Variants in MGAT5 observed in about 807,000 individuals in gnomAD.
The protein encoded by MGAT5 is alpha-1,6-mannosylglycoprotein 6-beta-N-acetylglucosaminyltransferase A.
A neutral mutation model predicts 94.3 loss-of-function variants in MGAT5; 30 were observed. That is an observed-to-expected ratio of 0.32 (90% CI 0.24 to 0.43). MGAT5 has a LOEUF of 0.43. Among genes scored for constraint, MGAT5 ranks in the 20% least tolerant of loss-of-function variants. MGAT5 has a pLI of 1.00. For missense variants in MGAT5, 691 were observed against 905.5 expected (o/e 0.76, Z 3.04); for synonymous variants, 310 against 322.9 (o/e 0.96, Z 0.43).
rs75507980 is a variant in MGAT5, at chr2:134,394,058, C to A, written c.1381-8930C>A. On this transcript the variant is annotated intron_variant, in intron 10 of 15. Transcript: ENST00000281923. ...CCATAGAAGTGGGCCCTGCCTCACA[C>A]GCCTTTTTCCCTTTCTGGTTTCCCA... Among the ~76,000 whole-genome samples the A allele has an allele frequency of 6.4e-4, 98 of 152,268 alleles. 2 individuals carry two copies. The East Asian group carries it at 0.018, about 28-fold the overall frequency.
At chr2:134,301,695 G>A (rs1686027230) in intron 2 of MGAT5, among the ~76,000 whole-genome samples, 2 of 152,170 alleles carry the variant, frequency 1.3e-5, no homozygotes, top group African/African-American at 4.8e-5. Context: ...TTTTATGTCT[G>A]ATGATGGAGT....
intron 1 of MGAT5, among the ~76,000 whole-genome samples, chr2:134,182,686 T>C (rs550315647): frequency 6.6e-6 from 1 of 152,234 alleles, no homozygotes; most frequent in East Asian, 1.9e-4. Context: ...ACAAGCGTAC[T>C]TAATCACTGC....
chr2:134,121,734 A>G (rs75251578), intron 1 of MGAT5, among the ~76,000 whole-genome samples: 7,642 of 152,332 alleles, frequency 0.05, 189 homozygotes, highest in African/African-American at 0.07. Flanking sequence ...TACCCAGACC[A>G]AAGTGTTAGA....
chr2:134,372,433 G>A (rs755425069), intron 10 of MGAT5, among the ~76,000 whole-genome samples: 25 of 152,164 alleles, frequency 1.6e-4, no homozygotes, highest in Non-Finnish European at 3.5e-4. Context: ...ACCCAGGAAT[G>A]CAAATAAAAA....
intron 2 of MGAT5, among the ~76,000 whole-genome samples, chr2:134,290,415 CTGA>C (rs3841387): frequency 0.15 from 22,118 of 152,190 alleles, 1,722 homozygotes; most frequent in Middle Eastern, 0.34. Flanking sequence ...AAATTGGGGA[CTGA>C]TGATCTAGTC....
At chr2:134,446,520 A>G (rs2106440962) in intron 15 of MGAT5, among the ~76,000 whole-genome samples, 1 of 151,978 alleles carries the variant, frequency 6.6e-6, no homozygotes, top group Non-Finnish European at 1.5e-5. Flanking sequence ...AGTTCCAGAT[A>G]TTTTTCTCTC....
intron 4 of MGAT5, among the ~76,000 whole-genome samples, chr2:134,323,425 G>A (rs1461518223): frequency 6.6e-6 from 1 of 152,036 alleles, no homozygotes; most frequent in East Asian, 1.9e-4. Context: ...ATCCACAGGG[G>A]TCTTGAAACC....
At chr2:134,130,204 C>CCCGCCCCACA (rs572491610) in intron 1 of MGAT5, among the ~76,000 whole-genome samples, 9,256 of 60,272 alleles carry the variant, frequency 0.15, 1,804 homozygotes, top group Middle Eastern at 0.19. Context: ...TGGAGCCCGC[C>CCCGCCCCACA]CCGCCCCACA....
At chr2:134,402,863 C>A in intron 10 of MGAT5, 125 bp from the exon 11 acceptor site, 1 of 947,178 alleles carries the variant, frequency 1.1e-6, no homozygotes, top group Non-Finnish European at 1.5e-6. Flanking sequence ...TGCCAAATTC[C>A]TGTGATCTCC....
At chr2:134,287,376 A>G (rs1685077296) in intron 2 of MGAT5, among the ~76,000 whole-genome samples, 1 of 152,088 alleles carries the variant, frequency 6.6e-6, no homozygotes, top group African/African-American at 2.4e-5. Flanking sequence ...TTGTTAAATC[A>G]TTTTCTGTTG....
At chr2:134,164,970 A>G (rs767938918) in intron 1 of MGAT5, among the ~76,000 whole-genome samples, 1 of 152,196 alleles carries the variant, frequency 6.6e-6, no homozygotes, top group Non-Finnish European at 1.5e-5. Context: ...GTCCTCCAGC[A>G]CGGTGTTGGT....
intron 2 of MGAT5, among the ~76,000 whole-genome samples, chr2:134,278,159 A>G (rs1340903359): frequency 2.0e-5 from 3 of 152,190 alleles, no homozygotes; most frequent in Non-Finnish European, 4.4e-5. Flanking sequence ...CATTGTTGGT[A>G]TAGTTTTCAC....
chr2:134,236,886 C>T (rs1681665210), intron 1 of MGAT5, among the ~76,000 whole-genome samples: 1 of 152,186 alleles, frequency 6.6e-6, no homozygotes, highest in Admixed American at 6.5e-5. Context: ...TAAGCCCCTT[C>T]CATGAATATT....
chr2:134,306,710 A>G (rs1439448964), intron 2 of MGAT5, among the ~76,000 whole-genome samples: 8 of 152,098 alleles, frequency 5.3e-5, no homozygotes, highest in Non-Finnish European at 5.9e-5. Flanking sequence ...CTCAGATGTT[A>G]GAAGGCTTTG....
chr2:134,353,974 T>G (rs527592590), intron 9 of MGAT5, among the ~76,000 whole-genome samples: 3 of 152,302 alleles, frequency 2.0e-5, no homozygotes, highest in Admixed American at 6.5e-5. Context: ...AGAGGGTCCC[T>G]TTCTTCCCAT....
chr2:134,297,596 A>G (rs1032256239), intron 2 of MGAT5, among the ~76,000 whole-genome samples: 2 of 152,310 alleles, frequency 1.3e-5, no homozygotes, highest in East Asian at 1.9e-4. Flanking sequence ...TCAGAAATCT[A>G]TTAATATAAT....
Position 134,244,368 on chromosome 2 carries a change from T to C in MGAT5, c.-142-9894T>C, listed in dbSNP as rs113241717. 4.1e-3 allele frequency among the ~76,000 whole-genome samples: 630 copies of C among 152,244 alleles called. 8 individuals are homozygous for C. The highest frequency in any genetic ancestry group is 0.014 in the African/African-American group (577 of 41,524). On this transcript the variant is annotated intron_variant, in intron 1 of 16. Transcript: ENST00000409645. Reference sequence around the variant, plus strand: ...AGATTTGGTCTTGCTCAAAGCCTTCTTCCCTGTGCTCATTGATTTATGGAC... The same window carrying C: ...AGATTTGGTCTTGCTCAAAGCCTTCCTCCCTGTGCTCATTGATTTATGGAC...
At chr2:134,312,348 C>A (rs529154124) in intron 2 of MGAT5, among the ~76,000 whole-genome samples, 3 of 152,286 alleles carry the variant, frequency 2.0e-5, no homozygotes, top group Admixed American at 2.0e-4. Flanking sequence ...GGCCATGTCC[C>A]TTCTCCCAGC....
At chr2:134,431,035 G>A (rs1354460866) in intron 14 of MGAT5, among the ~76,000 whole-genome samples, 1 of 152,150 alleles carries the variant, frequency 6.6e-6, no homozygotes, top group Non-Finnish European at 1.5e-5. Context: ...GAGTCCTGAA[G>A]GCAAACTGGT....
Sources: allele counts gnomAD v4.1 joint callset (sites outside exome capture counted in the v4.1 genomes callset), GRCh38; gene constraint gnomAD v4.1.1; transcripts MANE v1.5; gene names NCBI Gene and HGNC (gene_info 2026-07-23, HGNC 2026-07-21).